The following TLE4 variants were observed in gnomAD, a reference collection of about 807,000 sequenced individuals.
TLE4 encodes the protein TLE family member 4, transcriptional corepressor.
TLE4 carries 8 observed loss-of-function variants against 92.8 expected under a neutral mutation model. The ratio of observed to expected loss-of-function variants is 0.09; its 90% confidence interval spans 0.05 to 0.16. The LOEUF (loss-of-function observed/expected upper bound fraction) is 0.16, where lower values mean the gene tolerates loss of function less well. Among genes scored for constraint, TLE4 ranks in the 10% least tolerant of loss-of-function variants. The pLI is 1.00. For synonymous variants in TLE4, 371 were observed against 374.1 expected, an observed-to-expected ratio of 0.99 and a Z score of 0.10; for missense variants, 675 against 997.6, an observed-to-expected ratio of 0.68 and a Z score of 4.36.
At chr9:79,586,196 C>T (rs2791571) in intron 4 of TLE4, among the ~76,000 whole-genome samples, 15,003 of 151,840 alleles carry the variant, frequency 0.099, 716 homozygotes, top group East Asian at 0.14. Flanking sequence ...TGTGGTGAAA[C>T]GCTGTCTCTA....
At chr9:79,622,745 TTGAA>T (rs2133376947) in intron 5 of TLE4, among the ~76,000 whole-genome samples, 1 of 152,266 alleles carries the variant, frequency 6.6e-6, no homozygotes, top group East Asian at 1.9e-4. Flanking sequence ...TAATAAATAT[TTGAA>T]TGAATGGATG....
At chr9:79,626,590 T>C (rs1235150393) in intron 5 of TLE4, among the ~76,000 whole-genome samples, 1 of 152,176 alleles carries the variant, frequency 6.6e-6, no homozygotes, top group Non-Finnish European at 1.5e-5. Context: ...TAGATATATA[T>C]GAGTGCCCCT....
At chr9:79,573,646 C>G in intron 1 of TLE4, 43 bp from the exon 2 acceptor site, 1 of 1,492,716 alleles carries the variant, frequency 6.7e-7, no homozygotes, top group Non-Finnish European at 9.2e-7. Context: ...CCCTGCTTCG[C>G]CTGTGATGTG....
chr9:79,601,915 A>G (rs1172259886), intron 4 of TLE4, among the ~76,000 whole-genome samples: 1 of 152,230 alleles, frequency 6.6e-6, no homozygotes, highest in Non-Finnish European at 1.5e-5. Context: ...TATAAATGCA[A>G]GTAAAAAGAA....
At chr9:79,646,533 T>A (rs887085936) in intron 6 of TLE4, among the ~76,000 whole-genome samples, 11 of 152,222 alleles carry the variant, frequency 7.2e-5, no homozygotes, top group African/African-American at 2.7e-4. Flanking sequence ...AAGGTGAAGT[T>A]CTACTTAGCC....
rs117592441 is a variant in TLE4 at position 79,636,927 on chromosome 9, T to C, written c.390+9479T>C. Reference sequence around the variant, plus strand: ...CATAGATGTTTGTTAAATACTATGCTCTGGGATATTTTCTCATTTGGATAT... The same window carrying C: ...CATAGATGTTTGTTAAATACTATGCCCTGGGATATTTTCTCATTTGGATAT... On this transcript the variant is annotated intron_variant, in intron 6 of 19. Coordinates refer to ENST00000376552, the MANE Select transcript of TLE4 (RefSeq NM_007005.6). 4.2e-3 allele frequency among the ~76,000 whole-genome samples: 639 copies of C among 152,336 alleles called. 6 individuals are homozygous for C. Among genetic ancestry groups the C allele is most frequent in the Middle Eastern group, 6.8e-3 (2 of 294 alleles).
At chr9:79,655,391 A>C (rs918825375) in intron 8 of TLE4, among the ~76,000 whole-genome samples, 1 of 152,136 alleles carries the variant, frequency 6.6e-6, no homozygotes, top group East Asian at 1.9e-4. Context: ...TCCCAGAACC[A>C]CTGTGCTAGC....
chr9:79,603,290 G>A (rs150138562), intron 4 of TLE4, among the ~76,000 whole-genome samples: 85 of 152,202 alleles, frequency 5.6e-4, no homozygotes, highest in African/African-American at 1.9e-3. Context: ...ATACTACAGA[G>A]AAGTTCTTTG....
chr9:79,632,372 T>C (rs549035826), intron 6 of TLE4, among the ~76,000 whole-genome samples: 2 of 152,200 alleles, frequency 1.3e-5, no homozygotes, highest in Non-Finnish European at 2.9e-5. Flanking sequence ...CATGTTTATT[T>C]TGAGTTTTCC....
intron 4 of TLE4, among the ~76,000 whole-genome samples, chr9:79,607,334 C>G (rs759963497): frequency 9.9e-5 from 15 of 152,118 alleles, no homozygotes; most frequent in Non-Finnish European, 2.2e-4. Flanking sequence ...CCTGTTCACT[C>G]TGATGGTAGT....
intron 8 of TLE4, among the ~76,000 whole-genome samples, chr9:79,701,942 G>A (rs2070033973): frequency 6.6e-6 from 1 of 152,180 alleles, no homozygotes; most frequent in Non-Finnish European, 1.5e-5. Flanking sequence ...CTCATTGGAG[G>A]AACAAAATGT....
chr9:79,606,133 G>T (rs565512854), intron 4 of TLE4, among the ~76,000 whole-genome samples: 1 of 132,322 alleles, frequency 7.6e-6, no homozygotes, highest in Non-Finnish European at 1.6e-5. Context: ...CTACTAATTC[G>T]ATTCTTATAA....
At chr9:79,684,593 C>T (rs951728819) in intron 8 of TLE4, among the ~76,000 whole-genome samples, 1 of 152,132 alleles carries the variant, frequency 6.6e-6, no homozygotes, top group East Asian at 1.9e-4. Flanking sequence ...AAACCACTAC[C>T]GCCACCCCAC....
At chr9:79,632,010 G>A (rs1255852281) in intron 6 of TLE4, among the ~76,000 whole-genome samples, 1 of 151,932 alleles carries the variant, frequency 6.6e-6, no homozygotes, top group African/African-American at 2.4e-5. Flanking sequence ...TTCTTCCTGG[G>A]CCCACCGTGT....
At chr9:79,601,610 G>T (rs2045682171) in intron 4 of TLE4, 1 of 391,090 alleles carries the variant, frequency 2.6e-6, no homozygotes, top group East Asian at 7.2e-5. Flanking sequence ...GTTTTAGAGT[G>T]CCGTGAACTG....
chr9:79,719,060 A>G, intron 15 of TLE4, 89 bp downstream of exon 15: 3 of 1,514,220 alleles, frequency 2.0e-6, no homozygotes, highest in Non-Finnish European at 2.7e-6. Flanking sequence ...GCAACACCAC[A>G]CAGTATTGAT....
chr9:79,709,536 C>T, intron 13 of TLE4, 87 bp from the exon 14 acceptor site: 1 of 1,133,930 alleles, frequency 8.8e-7, no homozygotes, highest in South Asian at 1.4e-5. Context: ...ATCTATTCTC[C>T]CAGGTTTTAG....
intron 6 of TLE4, among the ~76,000 whole-genome samples, chr9:79,635,102 A>G (rs1404063215): frequency 6.6e-6 from 1 of 152,194 alleles, no homozygotes; most frequent in African/African-American, 2.4e-5. Flanking sequence ...TACATGTAAG[A>G]AAACCTTTCC....
intron 4 of TLE4, among the ~76,000 whole-genome samples, chr9:79,596,842 T>C (rs1192656814): frequency 6.6e-6 from 1 of 152,222 alleles, no homozygotes; most frequent in Non-Finnish European, 1.5e-5. Context: ...AGAATCATTT[T>C]GGAGTTTGCT....
Sources: allele counts gnomAD v4.1 joint callset (sites outside exome capture counted in the v4.1 genomes callset), GRCh38; gene constraint gnomAD v4.1.1; transcripts MANE v1.5; gene names NCBI Gene and HGNC (gene_info 2026-07-23, HGNC 2026-07-21).